PDE11A: variants seen among roughly 807,000 people sequenced by gnomAD.
The protein encoded by PDE11A is dual 3',5'-cyclic-AMP and -GMP phosphodiesterase 11A.
In PDE11A, 100 loss-of-function variants were observed where a neutral mutation model predicts 100.5. That is an observed-to-expected ratio of 1.00 (90% CI 0.85 to 1.18). The LOEUF is 1.18. PDE11A is among the 50% of genes most tolerant of loss of function. The probability of loss-of-function intolerance (pLI) is 0.00; values close to 1 mark genes in which losing one functional copy is unlikely to be tolerated. For missense variants in PDE11A, 1,141 were observed against 1,152.6 expected (o/e 0.99, Z 0.15); for synonymous variants, 381 against 420.8 (o/e 0.91, Z 1.16).
intron 10 of PDE11A, among the ~76,000 whole-genome samples, chr2:177,761,618 G>A (rs954554942): frequency 2.6e-5 from 4 of 152,208 alleles, no homozygotes; most frequent in African/African-American, 4.8e-5. Context: ...AAAGGCAAAT[G>A]AGAAGGTCAC....
intron 9 of PDE11A, among the ~76,000 whole-genome samples, chr2:177,788,909 A>C (rs201848234): frequency 0.33 from 50,158 of 151,356 alleles, 8,674 homozygotes; most frequent in African/African-American, 0.39. Context: ...AGCTTACCAA[A>C]CAAAAAGAGT....
chr2:177,965,718 T>A (rs2085690139), intron 2 of PDE11A, among the ~76,000 whole-genome samples: 1 of 152,218 alleles, frequency 6.6e-6, no homozygotes, highest in African/African-American at 2.4e-5. Context: ...CATTGGTTTA[T>A]TTGTTTATTT....
chr2:177,841,682 C>T (rs915630061), intron 5 of PDE11A, among the ~76,000 whole-genome samples: 37 of 152,162 alleles, frequency 2.4e-4, no homozygotes, highest in African/African-American at 8.9e-4. Flanking sequence ...CTGATAAATT[C>T]AGCATGTATT....
intron 6 of PDE11A, 23 bp downstream of exon 6, chr2:177,840,228 G>T (rs2083468556): frequency 6.2e-7 from 1 of 1,612,952 alleles, no homozygotes; most frequent in South Asian, 1.1e-5. Context: ...ACTTAGGATT[G>T]CAACCAGAGG....
chr2:177,998,400 A>G, intron 2 of PDE11A: 1 of 872,098 alleles, frequency 1.1e-6, no homozygotes, highest in Non-Finnish European at 2.0e-6. Flanking sequence ...CATGTTAAAT[A>G]TACTCAACAG....
chr2:177,682,824 C>T (rs772675177), intron 15 of PDE11A, among the ~76,000 whole-genome samples: 3 of 152,100 alleles, frequency 2.0e-5, no homozygotes, highest in Admixed American at 6.6e-5. Context: ...GAAATATGGA[C>T]GTAGAAAAGC....
chr2:177,947,921 G>A (rs7609350), intron 2 of PDE11A, among the ~76,000 whole-genome samples: 1,685 of 152,060 alleles, frequency 0.011, 30 homozygotes, highest in African/African-American at 0.038. Context: ...ACCCTTCAGC[G>A]ATAGCCCTCC....
chr2:177,846,256 T>A (rs976994131), intron 5 of PDE11A, among the ~76,000 whole-genome samples: 1 of 152,194 alleles, frequency 6.6e-6, no homozygotes, highest in Non-Finnish European at 1.5e-5. Flanking sequence ...TAGGAAAACT[T>A]CCTTGGTAAA....
At chr2:177,727,989 G>C in intron 11 of PDE11A, 37 bp downstream of exon 11, 4 of 1,593,608 alleles carry the variant, frequency 2.5e-6, no homozygotes, top group Non-Finnish European at 3.4e-6. Flanking sequence ...CGTTGTCCCA[G>C]GTGAACTGCT....
chr2:177,988,223 G>A (rs2085963113), intron 2 of PDE11A, among the ~76,000 whole-genome samples: 1 of 152,174 alleles, frequency 6.6e-6, no homozygotes, highest in Non-Finnish European at 1.5e-5. Context: ...GTCACCTCTT[G>A]ATGCTTCCAT....
At chr2:177,891,338 T>C (rs7584838) in intron 4 of PDE11A, among the ~76,000 whole-genome samples, 4,093 of 152,240 alleles carry the variant, frequency 0.027, 71 homozygotes, top group Non-Finnish European at 0.041. Context: ...CCATAAAAGT[T>C]ATCCCAACTT....
rs371371847 is a variant in PDE11A at position 177,893,302 on chromosome 2, T to TATTG, written c.1302+4752_1302+4755dup. ...TATATTATTTATTTATTCATCTATT[T>TATTG]ATTGATTGATTGATTTTCGGAGGTG... On this transcript the variant is annotated intron_variant, in intron 4 of 19. Transcript: ENST00000286063. Among the ~76,000 whole-genome samples the TATTG allele has an allele frequency of 2.2e-4, 34 of 152,308 alleles. 1 individual carries two copies. Among genetic ancestry groups the TATTG allele is most frequent in the African/African-American group, 7.9e-4 (33 of 41,544 alleles).
intron 5 of PDE11A, among the ~76,000 whole-genome samples, chr2:177,850,017 A>G (rs2083672581): frequency 6.6e-6 from 1 of 152,226 alleles, no homozygotes; most frequent in African/African-American, 2.4e-5. Context: ...CTTTCTTCAC[A>G]GAATTGGAAA....
chr2:177,633,443 A>G lies in PDE11A; in HGVS notation c.2647-3881T>C, dbSNP rs1035707685. ...AGTTATATGAATATGAGTAAAATGT[A>G]ACTAGATGTAAGTTAACGGAGTGGG... On this transcript the variant is annotated intron_variant, in intron 19 of 19. Coordinates refer to ENST00000286063, the MANE Select transcript of PDE11A (RefSeq NM_016953.4). Among the ~76,000 whole-genome samples, 7 of 152,356 alleles carry G rather than the reference A, an allele frequency of 4.6e-5. No homozygotes were observed. In the South Asian group the frequency reaches 1.4e-3, roughly 32 times the overall value.
At chr2:178,009,597 T>C (rs190290875) in intron 2 of PDE11A, among the ~76,000 whole-genome samples, 1 of 152,240 alleles carries the variant, frequency 6.6e-6, no homozygotes, top group East Asian at 1.9e-4. Context: ...ATTTCCTGCA[T>C]TGGATGAAGG....
At chr2:178,036,630 A>C (rs2086618409) in intron 1 of PDE11A, among the ~76,000 whole-genome samples, 1 of 152,202 alleles carries the variant, frequency 6.6e-6, no homozygotes, top group South Asian at 2.1e-4. Flanking sequence ...CTATACTACA[A>C]GTCTACAGAA....
intron 2 of PDE11A, among the ~76,000 whole-genome samples, chr2:177,933,068 CCACACACACA>C (rs58818826): frequency 2.0e-5 from 3 of 147,004 alleles, no homozygotes; most frequent in East Asian, 4.1e-4. Context: ...TTTACAATAG[CCACACACACA>C]CACACACACA....
chr2:177,922,333 C>T (rs966711156), intron 2 of PDE11A, among the ~76,000 whole-genome samples: 3 of 152,088 alleles, frequency 2.0e-5, no homozygotes, highest in African/African-American at 7.2e-5. Context: ...TAATTAAACA[C>T]CCTCTTGACG....
At chr2:177,733,436 T>C (rs2081723231) in intron 10 of PDE11A, among the ~76,000 whole-genome samples, 10 of 152,150 alleles carry the variant, frequency 6.6e-5, no homozygotes, top group Admixed American at 6.6e-4. Context: ...AACAGTTAAG[T>C]GGTTATCAAA....
Sources: gnomAD v4.1 joint callset for allele counts (sites outside exome capture counted in the v4.1 genomes callset) on GRCh38, gnomAD v4.1.1 for gene constraint, MANE v1.5 for transcripts, NCBI Gene and HGNC (gene_info 2026-07-23, HGNC 2026-07-21) for gene names.